The following GRK7 variants were observed in gnomAD, a reference collection of about 807,000 sequenced individuals.
GRK7 encodes the protein G protein-coupled receptor kinase 7, also known as rhodopsin kinase GRK7.
A neutral mutation model predicts 34.1 loss-of-function variants in GRK7; 24 were observed. That is an observed-to-expected ratio of 0.70 (90% CI 0.51 to 0.99). GRK7 has a LOEUF of 0.99. Ranked by LOEUF, GRK7 falls within the 50% of genes least tolerant of loss-of-function variation. GRK7 has a pLI of 0.00. For synonymous variants in GRK7, 256 were observed against 279.4 expected, an observed-to-expected ratio of 0.92 and a Z score of 0.84; for missense variants, 644 against 707.3, an observed-to-expected ratio of 0.91 and a Z score of 1.02.
In GRK7 at chr3:141,807,308, C is replaced by G. The variant is rs530978949; in HGVS notation, c.1051-337C>G. ...GGGATCTTATAGACATCCACTTGAA[C>G]TTTTCATCTTAAAGATGAGGTGATG... is the stretch of plus-strand genomic sequence containing the variant. On this transcript the variant is annotated intron_variant, in intron 4 of 5. Transcript: ENST00000682958. 2.0e-5 allele frequency among the ~76,000 whole-genome samples: 3 copies of G among 152,278 alleles called. No individual in the cohort carries two copies. In the East Asian group the frequency reaches 5.8e-4, roughly 29 times the overall value.
intron 2 of GRK7, among the ~76,000 whole-genome samples, chr3:141,775,263 G>A (rs1491002146): frequency 1.3e-5 from 2 of 152,132 alleles, no homozygotes; most frequent in Non-Finnish European, 2.9e-5. Context: ...AGCTGGGCCT[G>A]GTGGCAGGTG....
chr3:141,806,048 A>AC (rs1220759607), intron 4 of GRK7, among the ~76,000 whole-genome samples: 3 of 152,192 alleles, frequency 2.0e-5, no homozygotes, highest in Non-Finnish European at 4.4e-5. Context: ...GGTATTAACA[A>AC]TAGACTCTGG....
rs1410592124 is a variant in GRK7, at chr3:141,816,792, A to AC, written c.1409dup (p.Phe471IlefsTer15). 2 of 1,597,668 alleles carry AC rather than the reference A, an allele frequency of 1.3e-6. No homozygotes were observed. Among genetic ancestry groups the AC allele is most frequent in the South Asian group, 2.2e-5 (2 of 89,464 alleles). ...CTCGCCTGGAAGCTGGCCTAATTGAACCCCCATTTGTGCCAGACCCTTCAG... is the reference window on the plus strand; with the variant it reads ...CTCGCCTGGAAGCTGGCCTAATTGAACCCCCCATTTGTGCCAGACCCTTCAG... On this transcript the variant is annotated frameshift_variant, in exon 6 of 6. Transcript: ENST00000682958. LOFTEE classifies it high-confidence loss of function.
chr3:141,779,102 A>T (rs1196995917), intron 3 of GRK7, among the ~76,000 whole-genome samples: 3 of 152,072 alleles, frequency 2.0e-5, no homozygotes, highest in Non-Finnish European at 4.4e-5. Flanking sequence ...AGACAAGCAA[A>T]ATTTATACTT....
intron 4 of GRK7, among the ~76,000 whole-genome samples, chr3:141,786,963 G>A (rs951907115): frequency 6.6e-6 from 1 of 152,110 alleles, no homozygotes; most frequent in Admixed American, 6.6e-5. Context: ...GGAGGAGCAA[G>A]GTGTGTAGGT....
intron 4 of GRK7, among the ~76,000 whole-genome samples, chr3:141,804,572 C>T (rs1184309528): frequency 1.4e-5 from 2 of 144,374 alleles, no homozygotes; most frequent in Non-Finnish European, 1.5e-5. Flanking sequence ...CACACACATA[C>T]ACATACACAC....
intron 4 of GRK7, among the ~76,000 whole-genome samples, chr3:141,793,583 G>A (rs1056785599): frequency 1.3e-5 from 2 of 152,186 alleles, no homozygotes; most frequent in African/African-American, 4.8e-5. Flanking sequence ...TCTGGAGTTG[G>A]GATGACTCTT....
chr3:141,756,785 T>C, the GRK7 span, among the ~76,000 whole-genome samples: 2 of 152,218 alleles, frequency 1.3e-5, no homozygotes, highest in African/African-American at 2.4e-5. Flanking sequence ...ATTTGTCTTA[T>C]TGTTCAACTC....
the GRK7 span, among the ~76,000 whole-genome samples, chr3:141,755,093 A>G: frequency 6.6e-6 from 1 of 152,210 alleles, no homozygotes; most frequent in African/African-American, 2.4e-5. Context: ...TCTAGAGAGT[A>G]CCTGTTCTCT....
the GRK7 span, among the ~76,000 whole-genome samples, chr3:141,754,017 A>G: frequency 6.6e-5 from 10 of 152,256 alleles, no homozygotes; most frequent in African/African-American, 2.2e-4. Context: ...TGATAAAGCC[A>G]GGTTTAATAA....
intron 4 of GRK7, among the ~76,000 whole-genome samples, chr3:141,786,214 C>A (rs1191906279): frequency 2.0e-5 from 3 of 152,112 alleles, no homozygotes; most frequent in African/African-American, 7.2e-5. Flanking sequence ...GAGCTGACAG[C>A]ATCTGCCACA....
At chr3:141,751,973 A>G in the GRK7 span, among the ~76,000 whole-genome samples, 1 of 152,358 alleles carries the variant, frequency 6.6e-6, no homozygotes, top group South Asian at 2.1e-4. Context: ...GACCTTCTGC[A>G]TACCTTCAAA....
upstream of GRK7, among the ~76,000 whole-genome samples, chr3:141,759,689 T>A: frequency 1.3e-5 from 1 of 75,696 alleles, no homozygotes; most frequent in Non-Finnish European, 2.5e-5. Context: ...TTAGGGAGGG[T>A]TCCCTCTTTT....
At chr3:141,810,312 T>C in intron 5 of GRK7, among the ~76,000 whole-genome samples, 4 of 144,018 alleles carry the variant, frequency 2.8e-5, no homozygotes, top group Admixed American at 6.9e-5. Context: ...CCATCCCTCC[T>C]TCCCTTCCTC....
chr3:141,771,379 A>G (rs1419197570), intron 1 of GRK7, among the ~76,000 whole-genome samples: 1 of 152,250 alleles, frequency 6.6e-6, no homozygotes, highest in Non-Finnish European at 1.5e-5. Context: ...TACTCTCTCA[A>G]TAATCAGTAA....
intron 4 of GRK7, among the ~76,000 whole-genome samples, chr3:141,803,674 T>C (rs534548278): frequency 3.3e-5 from 5 of 152,334 alleles, no homozygotes; most frequent in Non-Finnish European, 7.3e-5. Context: ...CCATTTAGCA[T>C]GTTTTCAAGG....
At chr3:141,807,061 G>C (rs1458838108) in intron 4 of GRK7, among the ~76,000 whole-genome samples, 3 of 152,156 alleles carry the variant, frequency 2.0e-5, no homozygotes, top group Non-Finnish European at 4.4e-5. Flanking sequence ...AATTTCATGT[G>C]TGTATGGAAT....
intron 3 of GRK7, among the ~76,000 whole-genome samples, chr3:141,779,655 T>A (rs2084661480): frequency 6.6e-6 from 1 of 152,198 alleles, no homozygotes; most frequent in South Asian, 2.1e-4. Flanking sequence ...GACACTCTCA[T>A]CACCCCTGTG....
intron 4 of GRK7, among the ~76,000 whole-genome samples, chr3:141,790,751 T>G (rs573326983): frequency 3.8e-4 from 57 of 151,984 alleles, no homozygotes; most frequent in African/African-American, 1.1e-3. Context: ...TTTAGTAGAG[T>G]CGGGGTTTCA....
Sources: allele counts gnomAD v4.1 joint callset (sites outside exome capture counted in the v4.1 genomes callset), GRCh38; gene constraint gnomAD v4.1.1; transcripts MANE v1.5; gene names NCBI Gene and HGNC (gene_info 2026-07-23, HGNC 2026-07-21).